MTAP: variants seen among roughly 807,000 people sequenced by gnomAD.
MTAP encodes S-methyl-5'-thioadenosine phosphorylase.
A neutral mutation model predicts 33.6 loss-of-function variants in MTAP; 33 were observed. The ratio of observed to expected loss-of-function variants is 0.98; its 90% confidence interval spans 0.74 to 1.31. The LOEUF is 1.31. Among genes scored for constraint, MTAP ranks in the 40% most tolerant of loss-of-function variants. MTAP has a pLI of 0.00. For missense variants in MTAP, 367 were observed against 360.0 expected (o/e 1.02, Z -0.16); for synonymous variants, 148 against 125.7 (o/e 1.18, Z -1.19).
intron 1 of MTAP, among the ~76,000 whole-genome samples, chr9:21,887,943 G>A (rs772075411): frequency 7.9e-5 from 12 of 152,118 alleles, no homozygotes; most frequent in South Asian, 2.1e-4. Context: ...TCACTGTTGG[G>A]ATATAGCAGT....
intron 5 of MTAP, among the ~76,000 whole-genome samples, chr9:21,852,729 A>T (rs1220590483): frequency 6.6e-6 from 1 of 151,224 alleles, no homozygotes. Context: ...AAAGCCTGGT[A>T]ATAATGGTTT....
chr9:21,901,906 A>C (rs897758535), intron 1 of MTAP, among the ~76,000 whole-genome samples: 3 of 152,242 alleles, frequency 2.0e-5, no homozygotes, highest in African/African-American at 7.2e-5. Context: ...AATTTGTTTG[A>C]GTTTTCTAGC....
In MTAP at chr9:21,839,376, G is replaced by A. The variant is rs144204835; in HGVS notation, c.450+1366G>A. 5.7e-3 allele frequency among the ~76,000 whole-genome samples: 871 copies of A among 152,250 alleles called. 10 individuals carry two copies. The highest frequency in any genetic ancestry group is 0.02 in the African/African-American group (850 of 41,534). ...CCACTTCAAAATGGGGGCAGCTTGG[G>A]AAGAAATAGTCTAAGGAGAGAATAT... On this transcript the variant is annotated intron_variant, in intron 5 of 7. Coordinates refer to ENST00000644715, the MANE Select transcript of MTAP (RefSeq NM_002451.4).
chr9:21,936,625 C>T (rs534685807), exon 8 of MTAP: 4 of 152,206 alleles, frequency 2.6e-5, no homozygotes, highest in African/African-American at 9.6e-5. Flanking sequence ...TTAAACTGTA[C>T]TATGAGAAAG....
intron 6 of MTAP, among the ~76,000 whole-genome samples, chr9:21,858,304 C>T (rs1825680564): frequency 6.6e-6 from 1 of 152,086 alleles, no homozygotes; most frequent in African/African-American, 2.4e-5. Flanking sequence ...TTCTCCGATA[C>T]CATATTGAAA....
In MTAP at chr9:21,853,058, A is replaced by G. The variant is rs1472243936; in HGVS notation, c.451-1573A>G. ...TTAAGATAGTGTTAGCTGTTCTTGA[A>G]GGAATGCAAAATGCTGGTTCAGGTG... On this transcript the variant is annotated intron_variant, in intron 5 of 7. Coordinates refer to ENST00000644715, the MANE Select transcript of MTAP (RefSeq NM_002451.4). 2.0e-5 allele frequency among the ~76,000 whole-genome samples: 3 copies of G among 152,204 alleles called. No homozygotes were observed. The East Asian group carries it at 5.8e-4, about 29-fold the overall frequency.
intron 1 of MTAP, among the ~76,000 whole-genome samples, chr9:21,898,104 C>T (rs892558380): frequency 6.6e-6 from 1 of 152,296 alleles, no homozygotes; most frequent in East Asian, 1.9e-4. Context: ...TGATCTTTGA[C>T]AAACCTGACA....
chr9:21,889,514 A>G (rs1229823684), intron 1 of MTAP, among the ~76,000 whole-genome samples: 1 of 152,004 alleles, frequency 6.6e-6, no homozygotes, highest in East Asian at 1.9e-4. Context: ...ATTTGGGTAG[A>G]TTATGTCAGA....
intron 2 of MTAP, 78 bp from the exon 3 acceptor site, chr9:21,816,636 T>C: frequency 8.0e-7 from 1 of 1,249,080 alleles, no homozygotes; most frequent in Non-Finnish European, 1.2e-6. Context: ...CCATGAGTCC[T>C]GTTGTGGTTG....
chr9:21,916,298 T>C (rs968396945), intron 1 of MTAP, among the ~76,000 whole-genome samples: 6 of 152,030 alleles, frequency 3.9e-5, no homozygotes, highest in South Asian at 4.1e-4. Flanking sequence ...AATCTAATGA[T>C]TGGTTTACTT....
At chr9:21,869,373 AC>A (rs1308053316), downstream of MTAP, among the ~76,000 whole-genome samples, 1 of 151,774 alleles carries the variant, frequency 6.6e-6, no homozygotes, top group African/African-American at 2.4e-5. Flanking sequence ...GATACACTTG[AC>A]CCCTTCCTCC....
rs571978624 is a variant in MTAP at position 21,913,542 on chromosome 9, T to G, written c.148-17466T>G. Among the ~76,000 whole-genome samples, 3 of 152,294 alleles carry G rather than the reference T, an allele frequency of 2.0e-5. No homozygotes were observed. The East Asian group carries it at 5.8e-4, about 29-fold the overall frequency. On this transcript the variant is annotated intron_variant, in intron 1 of 1. Transcript: ENST00000577563. ...AAGAAATGGGAAAGGATTCCCTATT[T>G]AATAAATGGTGCTGGGAAAACTGGC... is the stretch of plus-strand genomic sequence containing the variant.
chr9:21,918,306 C>T (rs1363024678), intron 1 of MTAP, among the ~76,000 whole-genome samples: 4 of 120,602 alleles, frequency 3.3e-5, no homozygotes, highest in African/African-American at 9.3e-5. Context: ...GCAGAGATCC[C>T]GCCACTGCAC....
At chr9:21,804,729 G>T (rs1370082682) in intron 1 of MTAP, among the ~76,000 whole-genome samples, 1 of 152,222 alleles carries the variant, frequency 6.6e-6, no homozygotes, top group Non-Finnish European at 1.5e-5. Flanking sequence ...TGGGGCTGGA[G>T]TGTTCCTTCA....
rs1134875 is a variant in MTAP at position 21,863,203 on chromosome 9, T to C, written c.*1189T>C. On this transcript the variant is annotated 3_prime_UTR_variant, in exon 8 of 8. Transcript: ENST00000644715. ...TATCTGATATTTTAAAAAGTAATGT[T>C]TGATTCTCCTTTTTATGAGTTAAAT... is the stretch of plus-strand genomic sequence containing the variant. The C allele has an allele frequency of 1.9e-5, 18 of 966,034 alleles. No individual in the cohort carries two copies. The highest frequency in any genetic ancestry group is 2.2e-5 in the Non-Finnish European group (18 of 812,332). The allele number at this position is 966,034 out of a possible 1,614,324, so 59.8% of individuals were successfully genotyped here.
chr9:21,817,544 G>C (rs1044624984), intron 3 of MTAP, among the ~76,000 whole-genome samples: 1 of 152,022 alleles, frequency 6.6e-6, no homozygotes, highest in African/African-American at 2.4e-5. Context: ...CACATTCCCT[G>C]CCGTGTGGCC....
intron 1 of MTAP, among the ~76,000 whole-genome samples, chr9:21,806,683 T>C (rs1484376567): frequency 6.6e-6 from 1 of 152,096 alleles, no homozygotes; most frequent in Admixed American, 6.5e-5. Flanking sequence ...GGCTATGGGA[T>C]TAACACTGCC....
At chr9:21,818,244 C>T (rs759035240) in intron 4 of MTAP, 42 bp downstream of exon 4, 1 of 1,461,852 alleles carries the variant, frequency 6.8e-7, no homozygotes. Context: ...TGTAGCTGGT[C>T]ATTTTCAGCT....
intron 1 of MTAP, among the ~76,000 whole-genome samples, chr9:21,899,678 T>C (rs566734386): frequency 2.2e-4 from 33 of 152,204 alleles, no homozygotes; most frequent in African/African-American, 7.7e-4. Context: ...GACTCACTCA[T>C]TGTCATGAGA....
Sources: allele counts gnomAD v4.1 joint callset (sites outside exome capture counted in the v4.1 genomes callset), GRCh38; gene constraint gnomAD v4.1.1; transcripts MANE v1.5; gene names NCBI Gene and HGNC (gene_info 2026-07-23, HGNC 2026-07-21).